The following ASH1L variants were observed in gnomAD, a reference collection of about 807,000 sequenced individuals.
ASH1L encodes the protein histone-lysine N-methyltransferase ASH1L.
ASH1L carries 23 observed loss-of-function variants against 269.0 expected under a neutral mutation model. The observed-to-expected ratio is 0.09, with a 90% CI of 0.06 to 0.12. The LOEUF (loss-of-function observed/expected upper bound fraction) is 0.12, where lower values mean the gene tolerates loss of function less well. Among genes scored for constraint, ASH1L ranks in the 10% least tolerant of loss-of-function variants. The pLI is 1.00. For missense variants in ASH1L, 2,912 were observed against 3,567.8 expected (o/e 0.82, Z 4.68); for synonymous variants, 1,187 against 1,253.5 (o/e 0.95, Z 1.12).
chr1:155,433,390 T>C, intron 5 of ASH1L: 1 of 1,604,642 alleles, frequency 6.2e-7, no homozygotes, highest in Non-Finnish European at 8.5e-7. Flanking sequence ...ATGAGTTCTG[T>C]GGGGGGATGG....
intron 25 of ASH1L, among the ~76,000 whole-genome samples, chr1:155,340,065 A>G (rs909710246): frequency 7.9e-5 from 12 of 152,148 alleles, no homozygotes; most frequent in Admixed American, 2.0e-4. Flanking sequence ...GCAAAACCAA[A>G]TAAGTCTAGA....
In ASH1L at chr1:155,423,537, C is replaced by G. The variant is rs1660891276; in HGVS notation, c.5829-7614G>C. ...TGAGCCAAGATCGTGCCACCGCACT[C>G]CAGCCTGGCGACAGAGCAAGACTCT... On this transcript the variant is annotated intron_variant, in intron 5 of 27. Coordinates refer to ENST00000392403, the MANE Select transcript of ASH1L (RefSeq NM_018489.3). Among the ~76,000 whole-genome samples, 3 of 152,044 alleles carry G rather than the reference C, an allele frequency of 2.0e-5. No individual in the cohort carries two copies. The South Asian group carries it at 6.2e-4, about 32-fold the overall frequency.
chr1:155,415,952 A>G, intron 5 of ASH1L, 29 bp from the exon 6 acceptor site: 2 of 1,446,366 alleles, frequency 1.4e-6, no homozygotes, highest in Non-Finnish European at 1.8e-6. Context: ...AGATAATTTT[A>G]TTATGAAAAA....
rs558794324 is a variant in ASH1L, at chr1:155,361,090, T to C, written c.6687-681A>G. Reference sequence around the variant, plus strand: ...ACCGTCTCTACTAAAAATATAAAAATTAGCCAGGCGAGGCCACATGCAGTG... The same window carrying C: ...ACCGTCTCTACTAAAAATATAAAAACTAGCCAGGCGAGGCCACATGCAGTG... On this transcript the variant is annotated intron_variant, in intron 12 of 27. Coordinates refer to ENST00000392403, the MANE Select transcript of ASH1L (RefSeq NM_018489.3). Among the ~76,000 whole-genome samples, 21 of 151,848 alleles carry C rather than the reference T, an allele frequency of 1.4e-4. No homozygotes were observed. In the East Asian group the frequency reaches 2.7e-3, roughly 20 times the overall value.
intron 6 of ASH1L, among the ~76,000 whole-genome samples, chr1:155,399,549 G>C (rs1658652821): frequency 6.6e-6 from 1 of 151,956 alleles, no homozygotes. Context: ...TGAGGCATGA[G>C]AACTGCTTGA....
intron 17 of ASH1L, among the ~76,000 whole-genome samples, chr1:155,350,693 C>T (rs113486356): frequency 0.048 from 7,353 of 151,762 alleles, 585 homozygotes; most frequent in African/African-American, 0.17. Context: ...GAGGTCAAGG[C>T]GGGCAGATCA....
intron 1 of ASH1L, among the ~76,000 whole-genome samples, chr1:155,537,741 A>AT (rs879413851): frequency 1.3e-5 from 2 of 148,364 alleles, no homozygotes; most frequent in African/African-American, 5.0e-5. Flanking sequence ...TGACAGCATG[A>AT]TTTTTTTTTT....
chr1:155,360,963 A>G (rs1050817398), intron 12 of ASH1L, among the ~76,000 whole-genome samples: 19 of 151,832 alleles, frequency 1.3e-4, no homozygotes, highest in Admixed American at 3.3e-4. Context: ...AGACCAGACC[A>G]GGCGCCGTAG....
At chr1:155,476,691 A>T (rs943759302) in intron 3 of ASH1L, among the ~76,000 whole-genome samples, 1 of 151,668 alleles carries the variant, frequency 6.6e-6, no homozygotes, top group African/African-American at 2.4e-5. Flanking sequence ...AGCTGGGACT[A>T]TAAGCGCCTG....
chr1:155,551,262 C>T (rs1184537896), intron 1 of ASH1L, among the ~76,000 whole-genome samples: 1 of 152,120 alleles, frequency 6.6e-6, no homozygotes, highest in African/African-American at 2.4e-5. Flanking sequence ...CATAGGCACA[C>T]AGTATCTTTT....
At chr1:155,397,249 C>T (rs1168395122) in intron 6 of ASH1L, among the ~76,000 whole-genome samples, 1 of 151,688 alleles carries the variant, frequency 6.6e-6, no homozygotes, top group Non-Finnish European at 1.5e-5. Context: ...GCAATCCTAG[C>T]ACTGTGGGAG....
intron 6 of ASH1L, among the ~76,000 whole-genome samples, chr1:155,401,962 C>T (rs778621605): frequency 2.0e-4 from 30 of 151,984 alleles, no homozygotes; most frequent in Non-Finnish European, 3.5e-4. Context: ...TGGTGGCAGG[C>T]GCCTGTTATC....
At chr1:155,540,364 A>T (rs1670345005) in intron 1 of ASH1L, among the ~76,000 whole-genome samples, 1 of 152,208 alleles carries the variant, frequency 6.6e-6, no homozygotes, top group South Asian at 2.1e-4. Context: ...ACAGCACTTC[A>T]CAGTATCACT....
At chr1:155,468,544 A>T (rs974381166) in intron 3 of ASH1L, among the ~76,000 whole-genome samples, 4 of 152,210 alleles carry the variant, frequency 2.6e-5, no homozygotes, top group African/African-American at 7.2e-5. Flanking sequence ...TATTTAAATC[A>T]ACATGGATTT....
intron 1 of ASH1L, among the ~76,000 whole-genome samples, chr1:155,522,565 AATTT>A (rs1399048630): frequency 6.6e-5 from 10 of 152,196 alleles, no homozygotes; most frequent in African/African-American, 2.4e-4. Flanking sequence ...CTAGCGTGCT[AATTT>A]ATTATTTTAC....
Position 155,521,562 on chromosome 1 carries a change from C to T in ASH1L, c.-43G>A. The stretch of plus-strand genomic sequence containing the variant: ...GCCAAGGAATCTTATGAAAATTTTA[C>T]AGAACTGTGTTCCATAAAAAACAAG... On this transcript the variant is annotated 5_prime_UTR_variant, in exon 2 of 28. Coordinates refer to ENST00000392403, the MANE Select transcript of ASH1L (RefSeq NM_018489.3). 1 of 1,544,940 alleles carries T rather than the reference C, an allele frequency of 6.5e-7. No homozygotes were observed. The highest frequency in any genetic ancestry group is 8.7e-7 in the Non-Finnish European group (1 of 1,143,984).
Position 155,559,031 on chromosome 1 carries a change from ACGGG to A in ASH1L, c.-100+3118_-100+3121del. On this transcript the variant is annotated intron_variant, in intron 1 of 27. Coordinates refer to ENST00000392403, the MANE Select transcript of ASH1L (RefSeq NM_018489.3). ...GCTAATTTTTGTACTTTTAGTAGAG[ACGGG>A]GTTTTGCCACGTTGGCCAGGCTGGT... 1.3e-5 allele frequency among the ~76,000 whole-genome samples: 2 copies of A among 151,740 alleles called. 1 individual carries two copies. The highest frequency in any genetic ancestry group is 1.3e-4 in the Admixed American group (2 of 15,228).
chr1:155,425,034 A>G (rs191255947), intron 5 of ASH1L, among the ~76,000 whole-genome samples: 1 of 151,994 alleles, frequency 6.6e-6, no homozygotes, highest in East Asian at 1.9e-4. Flanking sequence ...CATTGGAGCA[A>G]CATCAGCTCA....
intron 25 of ASH1L, among the ~76,000 whole-genome samples, chr1:155,341,731 A>G (rs936530774): frequency 9.2e-5 from 14 of 152,224 alleles, no homozygotes; most frequent in Admixed American, 8.5e-4. Context: ...GTATAACACT[A>G]TATCAACAAT....
Sources: gnomAD v4.1 joint callset for allele counts (sites outside exome capture counted in the v4.1 genomes callset) on GRCh38, gnomAD v4.1.1 for gene constraint, MANE v1.5 for transcripts, NCBI Gene and HGNC (gene_info 2026-07-23, HGNC 2026-07-21) for gene names.